The following BBS4 variants were observed in gnomAD, a reference collection of about 807,000 sequenced individuals.
BBS4 encodes Bardet-Biedl syndrome 4.
In BBS4, 58 loss-of-function variants were observed where a neutral mutation model predicts 71.4. The observed-to-expected ratio is 0.81, with a 90% CI of 0.66 to 1.01. The LOEUF is 1.01. BBS4 is among the 50% of genes least tolerant of loss of function. The pLI is 0.00. For missense variants in BBS4, 660 were observed against 607.9 expected (o/e 1.09, Z -0.90); for synonymous variants, 228 against 216.8 (o/e 1.05, Z -0.46).
chr15:72,710,367 A>ATT, intron 3 of BBS4, among the ~76,000 whole-genome samples: 1 of 151,418 alleles, frequency 6.6e-6, no homozygotes, highest in Middle Eastern at 3.4e-3. Flanking sequence ...TGCCCAGCTA[A>ATT]TTTTTTGTAT....
intron 12 of BBS4, 149 bp from the exon 13 acceptor site, chr15:72,734,964 T>C: frequency 1.5e-6 from 1 of 674,576 alleles, no homozygotes; most frequent in Non-Finnish European, 2.7e-6. Flanking sequence ...GTAGAAGAGA[T>C]GGTTGAAGAT....
intron 1 of BBS4, among the ~76,000 whole-genome samples, chr15:72,693,087 C>A (rs566214634): frequency 1.3e-5 from 2 of 152,158 alleles, no homozygotes; most frequent in African/African-American, 4.8e-5. Context: ...AAGTCCAGGC[C>A]TAAATGTTGC....
At chr15:72,716,699 A>G in intron 5 of BBS4, 79 bp from the exon 6 acceptor site, 2 of 1,048,914 alleles carry the variant, frequency 1.9e-6, no homozygotes, top group Non-Finnish European at 1.4e-6. Context: ...TGGATGAAAT[A>G]TGATTAAAAT....
chr15:72,696,122 CTTTCAG>C (rs2065071974), intron 2 of BBS4, among the ~76,000 whole-genome samples: 1 of 152,132 alleles, frequency 6.6e-6, no homozygotes, highest in African/African-American at 2.4e-5. Flanking sequence ...TTTGTTTCTA[CTTTCAG>C]TTCTATCAAT....
intron 6 of BBS4, among the ~76,000 whole-genome samples, chr15:72,720,240 T>G (rs1024592652): frequency 6.6e-6 from 1 of 151,792 alleles, no homozygotes; most frequent in Non-Finnish European, 1.5e-5. Flanking sequence ...ACCAGCACTT[T>G]AAAAGGATGC....
At chr15:72,734,626 G>C (rs1288036590) in intron 12 of BBS4, among the ~76,000 whole-genome samples, 2 of 152,168 alleles carry the variant, frequency 1.3e-5, no homozygotes, top group African/African-American at 4.8e-5. Flanking sequence ...AGGGCTTCCA[G>C]AGCAGCTGTT....
intron 14 of BBS4, 93 bp downstream of exon 14, chr15:72,736,059 C>T (rs910099964): frequency 9.5e-5 from 136 of 1,433,304 alleles, no homozygotes; most frequent in Middle Eastern, 2.0e-4. Context: ...AGGTATTACA[C>T]GTTCATGGCT....
intron 4 of BBS4, among the ~76,000 whole-genome samples, chr15:72,712,702 G>A (rs2065396342): frequency 6.6e-6 from 1 of 152,120 alleles, no homozygotes; most frequent in Non-Finnish European, 1.5e-5. Context: ...TACCATGGAT[G>A]GACTGGAAGT....
rs753360929 is a variant in BBS4 at position 72,715,403 on chromosome 15, G to GTT, written c.332+2_332+3insTT. The GTT allele has an allele frequency of 3.1e-6, 5 of 1,605,502 alleles. No individual in the cohort carries two copies. Among genetic ancestry groups the GTT allele is most frequent in the Non-Finnish European group, 4.3e-6 (5 of 1,172,236 alleles). On this transcript the variant is annotated splice_donor_variant, in intron 5 of 15. Coordinates refer to ENST00000268057, the MANE Select transcript of BBS4 (RefSeq NM_033028.5). LOFTEE classifies it high-confidence loss of function. ...ACCTCAAGCAGGTGGCCAGATCTTT[G>GTT]TGAGTATTGGCAACCTGGAGGCCCT...
At chr15:72,697,913 A>G in intron 2 of BBS4, 1 of 454,572 alleles carries the variant, frequency 2.2e-6, no homozygotes, top group East Asian at 7.0e-5. Flanking sequence ...GATCAGAACT[A>G]CTTGGTGGTT....
chr15:72,725,057 T>TAGAGAGAG (rs71137311), intron 8 of BBS4, among the ~76,000 whole-genome samples: 86 of 127,652 alleles, frequency 6.7e-4, no homozygotes, highest in South Asian at 2.5e-3. Flanking sequence ...TATATATATA[T>TAGAGAGAG]AGAGAGAGAG....
intron 1 of BBS4, among the ~76,000 whole-genome samples, chr15:72,689,879 C>T (rs975541727): frequency 2.0e-5 from 3 of 151,968 alleles, no homozygotes; most frequent in African/African-American, 7.3e-5. Context: ...GGCGCGATCT[C>T]GGCTCACTGC....
intron 2 of BBS4, among the ~76,000 whole-genome samples, chr15:72,703,442 T>A (rs1483025034): frequency 6.6e-6 from 1 of 152,210 alleles, no homozygotes; most frequent in Non-Finnish European, 1.5e-5. Flanking sequence ...ATGTCTTACA[T>A]TTATATTCTT....
At chr15:72,696,588 A>C (rs1277597256) in intron 2 of BBS4, among the ~76,000 whole-genome samples, 1 of 152,178 alleles carries the variant, frequency 6.6e-6, no homozygotes, top group Non-Finnish European at 1.5e-5. Context: ...ATGCCAAATA[A>C]ATGGAATCAT....
intron 6 of BBS4, 45 bp downstream of exon 6, chr15:72,716,895 A>T (rs770941196): frequency 7.3e-7 from 1 of 1,374,070 alleles, no homozygotes; most frequent in African/African-American, 1.4e-5. Flanking sequence ...AAACTTGCTA[A>T]TGGTTCCATT....
Position 72,686,269 on chromosome 15 carries a change from C to T in BBS4, c.24+18C>T, listed in dbSNP as rs368789560. 2.6e-6 allele frequency: 4 copies of T among 1,563,126 alleles called. No individual in the cohort carries two copies. The highest frequency in any genetic ancestry group is 3.5e-6 in the Non-Finnish European group (4 of 1,154,292). ...TCGCGACGGTGAGCGCCGAGATTCT[C>T]TTTAGTTGCCCGGCCGCAGGGCAAG... On this transcript the variant is annotated intron_variant, in intron 1 of 15. Coordinates refer to ENST00000268057, the MANE Select transcript of BBS4 (RefSeq NM_033028.5).
chr15:72,723,727 G>A (rs1056673396), intron 7 of BBS4, among the ~76,000 whole-genome samples: 1 of 152,072 alleles, frequency 6.6e-6, no homozygotes, highest in African/African-American at 2.4e-5. Context: ...AATACATTTA[G>A]TGGGCCCCTT....
At position 72,707,181 on chromosome 15, in the gene BBS4, TC is replaced by T. The variant is rs200795453; in HGVS notation, c.77-2518del. Among the ~76,000 whole-genome samples the T allele has an allele frequency of 7.3e-3, 1,055 of 144,084 alleles. 89 individuals carry two copies. Among genetic ancestry groups the T allele is most frequent in the African/African-American group, 0.02 (776 of 39,618 alleles). 94.5% of individuals were successfully genotyped at this position (144,084 alleles called of 152,430 possible). ...TTCCCTTTCTTTTCCTTTTTTCTTT[TC>T]TTTTTTTTTTTTTGGAGACAGAATC... On this transcript the variant is annotated intron_variant, in intron 2 of 15. Transcript: ENST00000268057.
At chr15:72,688,065 A>G (rs74021406) in intron 1 of BBS4, among the ~76,000 whole-genome samples, 11,064 of 144,776 alleles carry the variant, frequency 0.076, 412 homozygotes, top group Non-Finnish European at 0.098. Context: ...AAAAAAAAAA[A>G]AAAAGAAAAT....
Sources: gnomAD v4.1 joint callset for allele counts (sites outside exome capture counted in the v4.1 genomes callset) on GRCh38, gnomAD v4.1.1 for gene constraint, MANE v1.5 for transcripts, NCBI Gene and HGNC (gene_info 2026-07-23, HGNC 2026-07-21) for gene names.